Variants in SORCS3 observed in about 807,000 individuals in gnomAD.
SORCS3 encodes VPS10 domain-containing receptor SorCS3.
Under a neutral mutation model 146.3 loss-of-function variants are expected in SORCS3, and 57 were observed. That is an observed-to-expected ratio of 0.39 (90% CI 0.31 to 0.49). The LOEUF (loss-of-function observed/expected upper bound fraction) is 0.49, where lower values mean the gene tolerates loss of function less well. Ranked by LOEUF, SORCS3 falls within the 20% of genes least tolerant of loss-of-function variation. The pLI, the probability that SORCS3 is intolerant of heterozygous loss-of-function variation, is 0.92. For synonymous variants in SORCS3, 653 were observed against 618.5 expected, an observed-to-expected ratio of 1.06 and a Z score of -0.83; for missense variants, 1,341 against 1,575.5, an observed-to-expected ratio of 0.85 and a Z score of 2.52.
chr10:105,137,008 C>T lies in SORCS3; in HGVS notation c.1213-2389C>T, dbSNP rs575112225. On this transcript the variant is annotated intron_variant, in intron 7 of 26. Coordinates refer to ENST00000369701, the MANE Select transcript of SORCS3 (RefSeq NM_014978.3). Reference sequence around the variant, plus strand: ...ATGGGAGGATGAGTTCTCAAGGCTGCGGGGCTGATCACGCTGTCAAAGGGA... The same window carrying T: ...ATGGGAGGATGAGTTCTCAAGGCTGTGGGGCTGATCACGCTGTCAAAGGGA... Among the ~76,000 whole-genome samples, 20 of 152,202 alleles carry T rather than the reference C, an allele frequency of 1.3e-4. No individual in the cohort carries two copies. In the South Asian group the frequency reaches 3.7e-3, roughly 28 times the overall value.
At chr10:105,069,095 C>G (rs1334717639) in intron 5 of SORCS3, among the ~76,000 whole-genome samples, 1 of 152,196 alleles carries the variant, frequency 6.6e-6, no homozygotes. Flanking sequence ...AGAATGCCTT[C>G]TCATAACAAA....
chr10:104,988,733 TA>T (rs373138371), intron 4 of SORCS3, among the ~76,000 whole-genome samples: 5 of 152,236 alleles, frequency 3.3e-5, no homozygotes, highest in South Asian at 2.1e-4. Context: ...TATTATGCTT[TA>T]AATGAAAAGA....
At chr10:105,238,894 T>A (rs903735225) in intron 20 of SORCS3, among the ~76,000 whole-genome samples, 2 of 152,210 alleles carry the variant, frequency 1.3e-5, no homozygotes, top group Non-Finnish European at 2.9e-5. Context: ...TTTTCCCACC[T>A]ATTACCACCA....
intron 5 of SORCS3, among the ~76,000 whole-genome samples, chr10:105,078,759 A>C (rs2055605172): frequency 6.6e-6 from 1 of 152,186 alleles, no homozygotes; most frequent in African/African-American, 2.4e-5. Context: ...AACAATGACA[A>C]GGGTGCCATT....
At chr10:105,057,871 G>A (rs931897213) in intron 5 of SORCS3, among the ~76,000 whole-genome samples, 3 of 152,156 alleles carry the variant, frequency 2.0e-5, no homozygotes, top group Non-Finnish European at 4.4e-5. Context: ...CAAATACAAT[G>A]AGGGACAAAA....
chr10:105,207,666 A>G (rs2056611154), intron 16 of SORCS3, among the ~76,000 whole-genome samples: 1 of 152,220 alleles, frequency 6.6e-6, no homozygotes, highest in Admixed American at 6.5e-5. Context: ...ATTTTAATAT[A>G]CATTTAGGAG....
At chr10:104,799,866 C>A (rs1238003193) in intron 1 of SORCS3, among the ~76,000 whole-genome samples, 1 of 151,832 alleles carries the variant, frequency 6.6e-6, no homozygotes, top group African/African-American at 2.4e-5. Flanking sequence ...TTAGTAGAGG[C>A]GAGGTTTCAT....
At chr10:105,242,624 ATATT>A (rs1328884312) in intron 20 of SORCS3, among the ~76,000 whole-genome samples, 2 of 99,852 alleles carry the variant, frequency 2.0e-5, no homozygotes, top group Non-Finnish European at 3.5e-5. Context: ...ATATTTATAT[ATATT>A]TATATACATT....
intron 5 of SORCS3, among the ~76,000 whole-genome samples, chr10:105,047,376 C>T (rs1313643538): frequency 6.6e-6 from 1 of 152,150 alleles, no homozygotes; most frequent in South Asian, 2.1e-4. Flanking sequence ...GTCTCCAATG[C>T]GTCCTCTTTA....
chr10:104,836,730 C>T (rs2018071923), intron 1 of SORCS3, among the ~76,000 whole-genome samples: 1 of 152,010 alleles, frequency 6.6e-6, no homozygotes, highest in Non-Finnish European at 1.5e-5. Flanking sequence ...GCCTTGTTTC[C>T]CACCTTGGCA....
chr10:104,988,179 C>A (rs1006864755), intron 4 of SORCS3, among the ~76,000 whole-genome samples: 2 of 152,180 alleles, frequency 1.3e-5, no homozygotes, highest in African/African-American at 4.8e-5. Context: ...TGCTCTCTAT[C>A]CTAGGCCTGG....
chr10:104,833,478 G>A (rs2018024514), intron 1 of SORCS3, among the ~76,000 whole-genome samples: 1 of 152,102 alleles, frequency 6.6e-6, no homozygotes, highest in African/African-American at 2.4e-5. Flanking sequence ...GCAGACACAG[G>A]GGTAACTGGG....
At chr10:104,749,732 G>A (rs1304867359) in intron 1 of SORCS3, among the ~76,000 whole-genome samples, 2 of 152,122 alleles carry the variant, frequency 1.3e-5, no homozygotes, top group Admixed American at 1.3e-4. Flanking sequence ...CAAAGCCAGT[G>A]CAATGGACAG....
rs1345720817 is a variant in SORCS3, at chr10:105,182,376, G to A, written c.2009+4203G>A. ...GAGGACACTGAGGCTCAGCTCACAT[G>A]TTCATAAAGAGGCAAAATAAGAGCA... On this transcript the variant is annotated intron_variant, in intron 14 of 26. Coordinates refer to ENST00000369701, the MANE Select transcript of SORCS3 (RefSeq NM_014978.3). 9.9e-5 allele frequency among the ~76,000 whole-genome samples: 15 copies of A among 151,846 alleles called. 1 individual carries two copies. Among genetic ancestry groups the A allele is most frequent in the Admixed American group, 9.9e-4 (15 of 15,218 alleles).
chr10:104,812,777 A>G (rs539604568), intron 1 of SORCS3, among the ~76,000 whole-genome samples: 4 of 152,176 alleles, frequency 2.6e-5, no homozygotes, highest in Admixed American at 1.3e-4. Context: ...TGGAAAGGTA[A>G]ACATCCAGAG....
At chr10:105,171,621 CT>C (rs2082389713) in intron 13 of SORCS3, among the ~76,000 whole-genome samples, 1 of 152,182 alleles carries the variant, frequency 6.6e-6, no homozygotes, top group Non-Finnish European at 1.5e-5. Flanking sequence ...ATACATGTCT[CT>C]GAAAAGCAAA....
chr10:104,990,475 TG>T (rs1416471397), intron 4 of SORCS3, among the ~76,000 whole-genome samples: 3 of 152,178 alleles, frequency 2.0e-5, no homozygotes, highest in Non-Finnish European at 4.4e-5. Context: ...ATCTTGGTGG[TG>T]GTAGCGGAAG....
At chr10:104,910,009 G>A (rs562762186) in intron 2 of SORCS3, among the ~76,000 whole-genome samples, 3 of 152,240 alleles carry the variant, frequency 2.0e-5, no homozygotes, top group East Asian at 1.9e-4. Context: ...GTACCAGTCC[G>A]CACTAAGTCC....
chr10:104,943,317 A>G (rs1251247899), intron 3 of SORCS3, among the ~76,000 whole-genome samples: 1 of 152,026 alleles, frequency 6.6e-6, no homozygotes, highest in African/African-American at 2.4e-5. Context: ...TTTAGTAGAG[A>G]CGGGGTTCCA....
Sources: allele counts gnomAD v4.1 joint callset (sites outside exome capture counted in the v4.1 genomes callset), GRCh38; gene constraint gnomAD v4.1.1; transcripts MANE v1.5; gene names NCBI Gene and HGNC (gene_info 2026-07-23, HGNC 2026-07-21).